Variants in CENPC observed in about 807,000 individuals in gnomAD.
The protein encoded by CENPC is centromere protein C.
A neutral mutation model predicts 112.1 loss-of-function variants in CENPC; 63 were observed. The ratio of observed to expected loss-of-function variants is 0.56; its 90% confidence interval spans 0.46 to 0.69. The LOEUF is 0.69. Among genes scored for constraint, CENPC ranks in the 30% least tolerant of loss-of-function variants. The probability of loss-of-function intolerance (pLI) is 0.00; values close to 1 mark genes in which losing one functional copy is unlikely to be tolerated. For missense variants in CENPC, 1,000 were observed against 1,103.8 expected, an observed-to-expected ratio of 0.91 and a Z score of 1.33; for synonymous variants, 333 against 367.6, an observed-to-expected ratio of 0.91 and a Z score of 1.08.
intron 7 of CENPC, 144 bp from the exon 8 acceptor site, chr4:67,514,831 T>C (rs1726011566): frequency 2.5e-6 from 2 of 799,236 alleles, no homozygotes; most frequent in African/African-American, 1.7e-5. Flanking sequence ...CTTACAAATC[T>C]TTCCCTCCTT....
chr4:67,543,444 T>C (rs976313559), intron 2 of CENPC, among the ~76,000 whole-genome samples: 1 of 152,210 alleles, frequency 6.6e-6, no homozygotes, highest in African/African-American at 2.4e-5. Flanking sequence ...CATGGCTGTC[T>C]ATACTGCAAG....
chr4:67,540,605 G>A (rs2109836091), intron 3 of CENPC, among the ~76,000 whole-genome samples: 2 of 152,300 alleles, frequency 1.3e-5, no homozygotes, highest in Middle Eastern at 3.4e-3. Flanking sequence ...GGGAGGCAAA[G>A]GTTGCAGTGA....
chr4:67,515,960 C>T lies in CENPC; in HGVS notation c.831-1273G>A, dbSNP rs1209725890. Among the ~76,000 whole-genome samples the T allele has an allele frequency of 2.0e-5, 3 of 152,012 alleles. No individual in the cohort carries two copies. The East Asian group carries it at 5.8e-4, about 29-fold the overall frequency. On this transcript the variant is annotated intron_variant, in intron 7 of 18. Coordinates refer to ENST00000273853, the MANE Select transcript of CENPC (RefSeq NM_001812.4). Reference sequence around the variant, plus strand: ...AAACTTTATGTATTTTACTAAAAGGCAGAAAGCCTATATCATGAATATTAT... The same window carrying T: ...AAACTTTATGTATTTTACTAAAAGGTAGAAAGCCTATATCATGAATATTAT...
chr4:67,542,637 C>G (rs1412435132), intron 2 of CENPC, among the ~76,000 whole-genome samples: 4 of 152,052 alleles, frequency 2.6e-5, no homozygotes, highest in African/African-American at 9.7e-5. Context: ...GTTAAAAACC[C>G]CTAGCTGAAT....
At chr4:67,501,289 G>C (rs888092269) in intron 12 of CENPC, among the ~76,000 whole-genome samples, 1 of 152,074 alleles carries the variant, frequency 6.6e-6, no homozygotes, top group Non-Finnish European at 1.5e-5. Flanking sequence ...GCCTGGGTGA[G>C]AGAGCAAGAC....
chr4:67,512,277 T>A, intron 9 of CENPC, 125 bp downstream of exon 9: 1 of 672,224 alleles, frequency 1.5e-6, no homozygotes, highest in South Asian at 2.0e-5. Flanking sequence ...TTAATATTCC[T>A]TTTGATGACC....
Position 67,524,556 on chromosome 4 carries a change from C to CA in CENPC, c.332-5055dup, listed in dbSNP as rs539285207. On this transcript the variant is annotated intron_variant, in intron 5 of 18. Transcript: ENST00000273853. ...CACCAATAACAGACAAGCAGAGAGC[C>CA]AAAACATGAATGAACTCCCATTCAC... 2.7e-4 allele frequency among the ~76,000 whole-genome samples: 41 copies of CA among 152,098 alleles called. No individual in the cohort carries two copies. In the South Asian group the frequency reaches 8.5e-3, roughly 32 times the overall value.
At position 67,530,901 on chromosome 4, in the gene CENPC, T is replaced by C; in HGVS notation, c.245A>G (p.His82Arg). 1 of 1,590,640 alleles carries C rather than the reference T, an allele frequency of 6.3e-7. No individual in the cohort carries two copies. Among genetic ancestry groups the C allele is most frequent in the Non-Finnish European group, 8.6e-7 (1 of 1,164,176 alleles). The part of the protein sequence containing the change: ...QSPSKECQKS[H>R]PKSVPVSSKK... ...TGAAGAAACTGGAACTGACTTTGGA[T>C]GTGATTTCTGGCACTGAGCACAGAA... The change falls in exon 5 of 19, where the codon CAT becomes CGT. Residue 82 changes from histidine to arginine, a missense_variant. Transcript: ENST00000273853.
In CENPC at chr4:67,545,339, A is replaced by G; in HGVS notation, c.17T>C (p.Leu6Pro). ...CTGGAGCGGGGGGCCTGCACTTACC[A>G]GACCGGACGCAGCCATGTTCCGGCC... MAASG[L>P]DHLKNGYRRR... The change falls in exon 1 of 19, where the codon CTG (leucine) becomes CCG (proline). Residue 6 changes from leucine to proline, a missense_variant and splice_region_variant. Transcript: ENST00000273853. 1 of 1,522,248 alleles carries G rather than the reference A, an allele frequency of 6.6e-7. No individual in the cohort carries two copies. The highest frequency in any genetic ancestry group is 8.8e-7 in the Non-Finnish European group (1 of 1,131,068). 94.3% of individuals were successfully genotyped at this position (1,522,248 alleles called of 1,614,324 possible). A position where few individuals can be genotyped will look rare whatever the true frequency, so the allele number is the denominator to read the frequency against.
intron 5 of CENPC, among the ~76,000 whole-genome samples, chr4:67,521,382 G>GT (rs1726225655): frequency 6.6e-6 from 1 of 152,010 alleles, no homozygotes; most frequent in East Asian, 1.9e-4. Flanking sequence ...TTAAAAAAAA[G>GT]TTTTTTGGAT....
At chr4:67,484,022 G>A (rs561359906) in intron 17 of CENPC, among the ~76,000 whole-genome samples, 22 of 152,320 alleles carry the variant, frequency 1.4e-4, no homozygotes, top group African/African-American at 5.3e-4. Context: ...GTAGTGTACA[G>A]TAATGTCCTA....
rs369830186 is a variant in CENPC, at chr4:67,530,338, G to T, written c.331+477C>A. 8.6e-5 allele frequency among the ~76,000 whole-genome samples: 13 copies of T among 151,936 alleles called. 1 individual carries two copies. The highest frequency in any genetic ancestry group is 2.9e-4 in the African/African-American group (12 of 41,472). Reference sequence around the variant, plus strand: ...ATAGTAAATAGACTATCAGGTAAAAGGTACTCTTACACTATTGGTGTAAAA... The same window carrying T: ...ATAGTAAATAGACTATCAGGTAAAATGTACTCTTACACTATTGGTGTAAAA... On this transcript the variant is annotated intron_variant, in intron 5 of 18. Transcript: ENST00000273853.
intron 13 of CENPC, among the ~76,000 whole-genome samples, chr4:67,494,213 G>C (rs535303239): frequency 1.3e-5 from 2 of 152,288 alleles, no homozygotes; most frequent in Admixed American, 1.3e-4. Flanking sequence ...ATAATACTCA[G>C]CGTTGACAAT....
At chr4:67,501,017 T>C (rs1295908832) in intron 12 of CENPC, among the ~76,000 whole-genome samples, 1 of 152,102 alleles carries the variant, frequency 6.6e-6, no homozygotes, top group Non-Finnish European at 1.5e-5. Context: ...TCAGGATTGA[T>C]ATCATGTCAG....
chr4:67,543,657 C>T (rs1266986181), intron 2 of CENPC, among the ~76,000 whole-genome samples: 5 of 152,138 alleles, frequency 3.3e-5, no homozygotes, highest in Admixed American at 2.0e-4. Context: ...ATAAACATGA[C>T]GTTATTCATA....
intron 12 of CENPC, among the ~76,000 whole-genome samples, chr4:67,503,983 G>A (rs1725664762): frequency 6.6e-6 from 1 of 151,576 alleles, no homozygotes; most frequent in African/African-American, 2.4e-5. Context: ...ATCAGCTTAT[G>A]GGATTGGAGC....
At chr4:67,472,844 T>C (rs1362074482) in intron 18 of CENPC, among the ~76,000 whole-genome samples, 169 bp from the exon 19 acceptor site, 3 of 152,180 alleles carry the variant, frequency 2.0e-5, no homozygotes, top group Admixed American at 1.3e-4. Flanking sequence ...CAGCTAACCA[T>C]GACACGTGAT....
chr4:67,478,629 A>AC, intron 17 of CENPC, among the ~76,000 whole-genome samples: 1 of 81,888 alleles, frequency 1.2e-5, no homozygotes, highest in Non-Finnish European at 2.6e-5. Context: ...GGGTCTATAA[A>AC]ACACACACAC....
At chr4:67,519,172 G>T in intron 6 of CENPC, 45 bp downstream of exon 6, 3 of 1,401,478 alleles carry the variant, frequency 2.1e-6, no homozygotes, top group Non-Finnish European at 1.9e-6. Flanking sequence ...AATACAAAAA[G>T]TAAAATTTTT....
Sources: gnomAD v4.1 joint callset for allele counts (sites outside exome capture counted in the v4.1 genomes callset) on GRCh38, gnomAD v4.1.1 for gene constraint, MANE v1.5 for transcripts, NCBI Gene and HGNC (gene_info 2026-07-23, HGNC 2026-07-21) for gene names.